FAM149B1: variants seen among roughly 807,000 people sequenced by gnomAD.
The protein encoded by FAM149B1 is primary cilium assembly protein FAM149B1.
A neutral mutation model predicts 75.3 loss-of-function variants in FAM149B1; 56 were observed. The observed-to-expected ratio is 0.74, with a 90% CI of 0.60 to 0.93. The LOEUF (loss-of-function observed/expected upper bound fraction) is 0.93. Ranked by LOEUF, FAM149B1 falls within the 40% of genes least tolerant of loss-of-function variation. The pLI, the probability that FAM149B1 is intolerant of heterozygous loss-of-function variation, is 0.00. For missense variants in FAM149B1, 639 were observed against 708.4 expected (o/e 0.90, Z 1.11); for synonymous variants, 259 against 256.1 (o/e 1.01, Z -0.11).
At chr10:73,189,878 T>A (rs1030475918) in intron 3 of FAM149B1, among the ~76,000 whole-genome samples, 10 of 152,236 alleles carry the variant, frequency 6.6e-5, no homozygotes, top group Admixed American at 4.6e-4. Context: ...TAAAGTTGAT[T>A]AAAATTTTAA....
intron 3 of FAM149B1, among the ~76,000 whole-genome samples, chr10:73,182,533 T>C (rs1026592974): frequency 6.6e-6 from 1 of 152,202 alleles, no homozygotes; most frequent in Non-Finnish European, 1.5e-5. Flanking sequence ...CTTTCTAGGT[T>C]AGAAAGCAAC....
intron 5 of FAM149B1, among the ~76,000 whole-genome samples, chr10:73,194,705 C>T (rs1474491410): frequency 2.0e-5 from 3 of 148,410 alleles, no homozygotes; most frequent in African/African-American, 2.5e-5. Flanking sequence ...GAGACAGAAT[C>T]TTGCTCTGTC....
In FAM149B1 at chr10:73,215,773, T is replaced by C. The variant is rs142027286; in HGVS notation, c.898+5335T>C. Among the ~76,000 whole-genome samples, 236 of 152,364 alleles carry C rather than the reference T, an allele frequency of 1.5e-3. 1 individual carries two copies. Among genetic ancestry groups the C allele is most frequent in the Non-Finnish European group, 2.5e-3 (171 of 68,038 alleles). The stretch of plus-strand genomic sequence containing the variant: ...TTTATTCCACTGTGGTCTGAGAAGA[T>C]ACTTGATATGATTTCACTTTTAAAA... On this transcript the variant is annotated intron_variant, in intron 7 of 13. Transcript: ENST00000242505.
At chr10:73,173,921 AGTT>A (rs1256941883) in intron 1 of FAM149B1, among the ~76,000 whole-genome samples, 1 of 152,196 alleles carries the variant, frequency 6.6e-6, no homozygotes, top group African/African-American at 2.4e-5. Context: ...CAACTGTAGT[AGTT>A]AATGGTTTTT....
rs1334064744 is a variant in FAM149B1 at position 73,243,837 on chromosome 10, G to A, written c.*2818G>A. 6.2e-7 allele frequency: 1 copy of A among 1,610,776 alleles called. No individual in the cohort carries two copies. The highest frequency in any genetic ancestry group is 8.5e-7 in the Non-Finnish European group (1 of 1,178,822). On this transcript the variant is annotated 3_prime_UTR_variant, in exon 14 of 14. Transcript: ENST00000242505. ...TAAAGATGTGGCAACAAACTGCCAA[G>A]TTTACCTGAATGGCTGCCTTCAGGC...
intron 3 of FAM149B1, 39 bp from the exon 4 acceptor site, chr10:73,192,516 TC>T (rs1256687057): frequency 1.3e-6 from 2 of 1,537,730 alleles, no homozygotes; most frequent in African/African-American, 2.8e-5. Flanking sequence ...AGAGAGTGAA[TC>T]AGCTCACCTA....
chr10:73,207,673 G>C (rs989091843), intron 5 of FAM149B1, among the ~76,000 whole-genome samples: 2 of 152,216 alleles, frequency 1.3e-5, no homozygotes, highest in Non-Finnish European at 2.9e-5. Flanking sequence ...GGGTAGAGCT[G>C]CCCAGGGTCT....
chr10:73,222,150 A>G (rs2043430603), intron 7 of FAM149B1, among the ~76,000 whole-genome samples: 1 of 152,146 alleles, frequency 6.6e-6, no homozygotes, highest in Non-Finnish European at 1.5e-5. Flanking sequence ...TACCTTACTA[A>G]GGGATGAATT....
intron 7 of FAM149B1, among the ~76,000 whole-genome samples, chr10:73,213,094 G>C (rs1483968804): frequency 6.6e-6 from 1 of 152,126 alleles, no homozygotes; most frequent in South Asian, 2.1e-4. Flanking sequence ...CGATCTGCCC[G>C]TCTTGGCCTC....
At chr10:73,197,241 G>T (rs2042825609) in intron 5 of FAM149B1, among the ~76,000 whole-genome samples, 2 of 152,274 alleles carry the variant, frequency 1.3e-5, no homozygotes, top group South Asian at 4.1e-4. Context: ...GGGCTCAAGT[G>T]ATTTGCCCAC....
chr10:73,206,076 G>T (rs2043047312), intron 5 of FAM149B1, among the ~76,000 whole-genome samples: 1 of 152,172 alleles, frequency 6.6e-6, no homozygotes, highest in Non-Finnish European at 1.5e-5. Context: ...ATAGTGAAAT[G>T]GACAATAAAG....
At chr10:73,212,751 C>T (rs952273809) in intron 7 of FAM149B1, among the ~76,000 whole-genome samples, 9 of 151,978 alleles carry the variant, frequency 5.9e-5, no homozygotes, top group Admixed American at 3.3e-4. Flanking sequence ...CTTTTCTTCA[C>T]ATCCTTGCCA....
In FAM149B1 at chr10:73,192,199, CTTT is replaced by C. The variant is rs35023018; in HGVS notation, c.283-333_283-331del. On this transcript the variant is annotated intron_variant, in intron 3 of 13. Transcript: ENST00000242505. Reference sequence around the variant, plus strand: ...ACAGGCGTGAGCTACCACGCCTGGCCTTTTTTTTTTTTTTTTTTTTTTTTTTAG... The same window carrying C: ...ACAGGCGTGAGCTACCACGCCTGGCCTTTTTTTTTTTTTTTTTTTTTTTAG... 1,064 of 113,170 alleles carry C rather than the reference CTTT, an allele frequency of 9.4e-3. 16 individuals are homozygous for C. The highest frequency in any genetic ancestry group is 0.034 in the African/African-American group (790 of 23,322). 7.0% of individuals were successfully genotyped at this position (113,170 alleles called of 1,614,324 possible).
chr10:73,235,042 G>A, intron 11 of FAM149B1, 102 bp downstream of exon 11: 1 of 1,478,868 alleles, frequency 6.8e-7, no homozygotes, highest in Non-Finnish European at 9.1e-7. Context: ...ACTGTGTTTT[G>A]TCAAAAGTAC....
chr10:73,227,981 GGA>G (rs1311642784), intron 7 of FAM149B1, 77 bp from the exon 8 acceptor site: 7 of 1,367,990 alleles, frequency 5.1e-6, no homozygotes, highest in African/African-American at 1.4e-5. Flanking sequence ...TGAATTCTCA[GGA>G]GAGATCTTTT....
At chr10:73,193,834 A>G (rs1177370905) in intron 5 of FAM149B1, among the ~76,000 whole-genome samples, 1 of 152,152 alleles carries the variant, frequency 6.6e-6, no homozygotes, top group African/African-American at 2.4e-5. Flanking sequence ...GTAACAGAAT[A>G]CCTGAAACTG....
At chr10:73,229,583 T>G (rs7077186) in intron 8 of FAM149B1, among the ~76,000 whole-genome samples, 15,963 of 151,820 alleles carry the variant, frequency 0.11, 1,209 homozygotes, top group East Asian at 0.31. Flanking sequence ...TCAGAAAAAA[T>G]AAGAGAAAAT....
At chr10:73,236,868 A>G (rs1731247589) in intron 12 of FAM149B1, among the ~76,000 whole-genome samples, 1 of 151,552 alleles carries the variant, frequency 6.6e-6, no homozygotes, top group Admixed American at 6.6e-5. Context: ...GGCACATGCC[A>G]CCATGCCCTG....
intron 5 of FAM149B1, chr10:73,200,744 G>A: frequency 4.4e-6 from 2 of 453,798 alleles, no homozygotes; most frequent in Admixed American, 2.8e-5. Flanking sequence ...GAACCTTGAA[G>A]GAATCGAACA....
Sources: allele counts gnomAD v4.1 joint callset (sites outside exome capture counted in the v4.1 genomes callset), GRCh38; gene constraint gnomAD v4.1.1; transcripts MANE v1.5; gene names NCBI Gene and HGNC (gene_info 2026-07-23, HGNC 2026-07-21).